The following MAML2 variants were observed in gnomAD, a reference collection of about 807,000 sequenced individuals.
The protein encoded by MAML2 is mastermind like transcriptional coactivator 2, also known as mastermind-like protein 2.
Under a neutral mutation model 96.1 loss-of-function variants are expected in MAML2, and 22 were observed. The ratio of observed to expected loss-of-function variants is 0.23; its 90% CI spans 0.16 to 0.33. The LOEUF (loss-of-function observed/expected upper bound fraction) is 0.33, where lower values mean the gene tolerates loss of function less well. MAML2 is among the 10% of genes least tolerant of loss of function. The pLI is 1.00. For missense variants in MAML2, 1,367 were observed against 1,392.4 expected, an observed-to-expected ratio of 0.98 and a Z score of 0.29; for synonymous variants, 561 against 521.3, an observed-to-expected ratio of 1.08 and a Z score of -1.04.
chr11:96,083,789 C>A lies in MAML2; in HGVS notation c.2139+8103G>T, dbSNP rs111371906. The stretch of plus-strand genomic sequence containing the variant: ...ATACAGTGGTGAATAAGACAGATGC[C>A]ACCCCTGTATTCAACTAGCTTGCAG... On this transcript the variant is annotated intron_variant, in intron 2 of 4. Transcript: ENST00000524717. 9.8e-3 allele frequency among the ~76,000 whole-genome samples: 1,486 copies of A among 152,250 alleles called. 23 individuals are homozygous for A. The highest frequency in any genetic ancestry group is 0.037 in the South Asian group (176 of 4,816).
intron 1 of MAML2, among the ~76,000 whole-genome samples, chr11:96,094,845 A>G (rs1274294327): frequency 6.6e-6 from 1 of 152,190 alleles, no homozygotes; most frequent in East Asian, 1.9e-4. Context: ...AAATTCTATC[A>G]CTTCTCCTAT....
rs577888082 is a variant in MAML2 at position 96,223,425 on chromosome 11, CT to C, written c.513+117957del. Reference sequence around the variant, plus strand: ...AGGTAGAAAGACAAAGCATATTTTACTTAACCATTTGTTAGCCTATTTATAA... The same window carrying C: ...AGGTAGAAAGACAAAGCATATTTTACTAACCATTTGTTAGCCTATTTATAA... On this transcript the variant is annotated intron_variant, in intron 1 of 4. Transcript: ENST00000524717. 1.6e-3 allele frequency among the ~76,000 whole-genome samples: 238 copies of C among 152,268 alleles called. 1 individual carries two copies. Among genetic ancestry groups the C allele is most frequent in the African/African-American group, 5.1e-3 (213 of 41,558 alleles).
intron 1 of MAML2, among the ~76,000 whole-genome samples, chr11:96,204,276 G>GTATT (rs1861866434): frequency 6.6e-6 from 1 of 152,168 alleles, no homozygotes; most frequent in Non-Finnish European, 1.5e-5. Context: ...TATTTATTGA[G>GTATT]CACCTACTAC....
intron 1 of MAML2, among the ~76,000 whole-genome samples, chr11:96,273,838 C>G (rs1434903241): frequency 6.6e-6 from 1 of 152,100 alleles, no homozygotes; most frequent in East Asian, 1.9e-4. Context: ...AAGATGCTTG[C>G]CTTTCCCAGG....
At chr11:96,084,566 G>A (rs1227982695) in intron 2 of MAML2, among the ~76,000 whole-genome samples, 2 of 152,174 alleles carry the variant, frequency 1.3e-5, no homozygotes, top group Non-Finnish European at 2.9e-5. Context: ...AATAACTCCA[G>A]CGGCTACATG....
intron 2 of MAML2, among the ~76,000 whole-genome samples, chr11:96,045,114 T>C (rs7934164): frequency 0.58 from 88,427 of 151,850 alleles, 26,174 homozygotes; most frequent in Middle Eastern, 0.65. Flanking sequence ...TGGTGGTGGA[T>C]AGGCCCTAAG....
intron 2 of MAML2, among the ~76,000 whole-genome samples, chr11:96,046,614 C>A (rs142105942): frequency 6.6e-6 from 1 of 152,214 alleles, no homozygotes. Context: ...AACAGGTGAA[C>A]TCTGCTTACA....
chr11:96,271,864 C>T (rs999699889), intron 1 of MAML2, among the ~76,000 whole-genome samples: 2 of 152,168 alleles, frequency 1.3e-5, no homozygotes, highest in Admixed American at 1.3e-4. Flanking sequence ...CCTCCAAGAC[C>T]GCATTACTTC....
intron 1 of MAML2, among the ~76,000 whole-genome samples, chr11:96,280,846 A>G (rs1863054493): frequency 6.6e-6 from 1 of 152,182 alleles, no homozygotes; most frequent in African/African-American, 2.4e-5. Flanking sequence ...TTTCTCATTT[A>G]TCTCATATAT....
At chr11:96,293,965 A>G (rs1211752439) in intron 1 of MAML2, among the ~76,000 whole-genome samples, 1 of 152,256 alleles carries the variant, frequency 6.6e-6, no homozygotes, top group Non-Finnish European at 1.5e-5. Context: ...TGTTCAGGCC[A>G]GAGCTGACTA....
chr11:96,002,586 A>G (rs2509091), intron 2 of MAML2, among the ~76,000 whole-genome samples: 35,363 of 145,010 alleles, frequency 0.24, 4,414 homozygotes, highest in East Asian at 0.4. Flanking sequence ...AGATGATGAC[A>G]GGGATGATGA....
intron 1 of MAML2, among the ~76,000 whole-genome samples, chr11:96,204,151 C>T (rs1439817178): frequency 1.3e-5 from 2 of 152,036 alleles, no homozygotes; most frequent in African/African-American, 4.8e-5. Flanking sequence ...GAAGCATGGG[C>T]CTTCTGACCA....
At chr11:96,321,708 G>C (rs1272978292) in intron 1 of MAML2, among the ~76,000 whole-genome samples, 1 of 152,154 alleles carries the variant, frequency 6.6e-6, no homozygotes, top group Non-Finnish European at 1.5e-5. Context: ...CAGTATACTA[G>C]ACTGCCTTCT....
At chr11:96,088,445 T>C (rs1454747352) in intron 2 of MAML2, among the ~76,000 whole-genome samples, 1 of 152,234 alleles carries the variant, frequency 6.6e-6, no homozygotes. Flanking sequence ...TCATGAGCCC[T>C]GATCAGCCAA....
chr11:95,980,903 T>C (rs1857726336), intron 4 of MAML2, among the ~76,000 whole-genome samples: 1 of 152,194 alleles, frequency 6.6e-6, no homozygotes, highest in Non-Finnish European at 1.5e-5. Context: ...TAACACAGCC[T>C]GAAGGCTGAA....
At chr11:96,289,196 C>G (rs566547020) in intron 1 of MAML2, among the ~76,000 whole-genome samples, 2 of 152,318 alleles carry the variant, frequency 1.3e-5, no homozygotes, top group East Asian at 1.9e-4. Context: ...GGGAAAAAGA[C>G]TATTGTGTTT....
At chr11:95,983,432 A>G (rs1312040845) in intron 4 of MAML2, among the ~76,000 whole-genome samples, 1 of 152,124 alleles carries the variant, frequency 6.6e-6, no homozygotes, top group Non-Finnish European at 1.5e-5. Context: ...TAGACAGAAG[A>G]TGGTTAATGG....
At chr11:95,984,631 G>A (rs549601793) in intron 4 of MAML2, among the ~76,000 whole-genome samples, 5 of 152,256 alleles carry the variant, frequency 3.3e-5, no homozygotes, top group Non-Finnish European at 5.9e-5. Flanking sequence ...TTGTATTTGA[G>A]GGGGTTTAAA....
At chr11:96,251,210 T>C (rs2135966806) in intron 1 of MAML2, among the ~76,000 whole-genome samples, 1 of 152,354 alleles carries the variant, frequency 6.6e-6, no homozygotes, top group Non-Finnish European at 1.5e-5. Flanking sequence ...ATGTTGTCTT[T>C]TACTAAAGAT....
Sources: gnomAD v4.1 joint callset for allele counts (sites outside exome capture counted in the v4.1 genomes callset) on GRCh38, gnomAD v4.1.1 for gene constraint, MANE v1.5 for transcripts, NCBI Gene and HGNC (gene_info 2026-07-23, HGNC 2026-07-21) for gene names.